PAM: variants seen among roughly 807,000 people sequenced by gnomAD.
PAM encodes peptidylglycine alpha-amidating monooxygenase.
Under a neutral mutation model 122.1 loss-of-function variants are expected in PAM, and 72 were observed. The ratio of observed to expected loss-of-function variants is 0.59; its 90% CI spans 0.49 to 0.72. PAM has a LOEUF of 0.72. PAM is among the 30% of genes least tolerant of loss of function. The pLI is 0.00. For synonymous variants in PAM, 389 were observed against 404.4 expected, an observed-to-expected ratio of 0.96 and a Z score of 0.46; for missense variants, 1,106 against 1,183.7, an observed-to-expected ratio of 0.93 and a Z score of 0.96.
intron 1 of PAM, among the ~76,000 whole-genome samples, chr5:102,791,858 A>G (rs745326119): frequency 1.3e-5 from 2 of 152,158 alleles, no homozygotes; most frequent in South Asian, 4.1e-4. Context: ...TATCTAGGAC[A>G]TCGTAGGAGT....
At chr5:102,906,609 C>T (rs1263990709) in intron 4 of PAM, among the ~76,000 whole-genome samples, 1 of 151,766 alleles carries the variant, frequency 6.6e-6, no homozygotes, top group Non-Finnish European at 1.5e-5. Context: ...TACTTCACTT[C>T]TCTTTCCTGA....
chr5:102,940,094 A>G (rs942527545), intron 7 of PAM, among the ~76,000 whole-genome samples: 3 of 150,300 alleles, frequency 2.0e-5, no homozygotes, highest in Non-Finnish European at 3.0e-5. Context: ...AATGAAAGGA[A>G]ACCTTTTATA....
At chr5:102,953,084 C>T (rs1759500975) in intron 12 of PAM, among the ~76,000 whole-genome samples, 1 of 152,180 alleles carries the variant, frequency 6.6e-6, no homozygotes, top group African/African-American at 2.4e-5. Flanking sequence ...AAACCGTTGA[C>T]AGTAGCCTAC....
At chr5:103,018,413 A>C (rs577936255) in intron 22 of PAM, among the ~76,000 whole-genome samples, 2 of 152,356 alleles carry the variant, frequency 1.3e-5, no homozygotes, top group Admixed American at 1.3e-4. Flanking sequence ...GATCTCAATT[A>C]ATTTGGTAAC....
At chr5:102,864,183 TA>T (rs202183053) in intron 1 of PAM, among the ~76,000 whole-genome samples, 3,156 of 132,914 alleles carry the variant, frequency 0.024, 37 homozygotes, top group African/African-American at 0.029. Context: ...TATATATATA[TA>T]TTTTTTTTTT....
rs939692788 is a variant in PAM at position 102,901,405 on chromosome 5, C to A, written c.260C>A (p.Ala87Asp). ...MSMRIPVDEE[A>D]FVIDFKPRAS... The stretch of plus-strand genomic sequence containing the variant: ...ATGCGAATACCAGTGGATGAGGAAG[C>A]CTTCGTGAGTAAGTATTAATTGGAT... The change falls in exon 4 of 26, where the codon GCC (alanine) becomes GAC (aspartate). Residue 87 changes from alanine to aspartate, a missense_variant. Ala to Asp is a moderately radical substitution (Grantham distance 126). Coordinates refer to ENST00000438793, the MANE Select transcript of PAM (RefSeq NM_001177306.2). 5 of 1,562,508 alleles carry A rather than the reference C, an allele frequency of 3.2e-6. No homozygotes were observed. The highest frequency in any genetic ancestry group is 3.5e-6 in the Non-Finnish European group (4 of 1,134,656).
chr5:103,020,211 TTA>T (rs1397184071), intron 23 of PAM, among the ~76,000 whole-genome samples: 1 of 152,186 alleles, frequency 6.6e-6, no homozygotes, highest in Non-Finnish European at 1.5e-5. Flanking sequence ...AAACCTTTTC[TTA>T]ATAGGCCCTA....
intron 3 of PAM, among the ~76,000 whole-genome samples, chr5:102,894,334 A>G (rs577372053): frequency 1.3e-5 from 2 of 151,848 alleles, no homozygotes; most frequent in Non-Finnish European, 3.0e-5. Flanking sequence ...AGACATGCCT[A>G]TAAGAACACA....
intron 15 of PAM, among the ~76,000 whole-genome samples, chr5:102,980,581 C>T (rs991308841): frequency 3.9e-5 from 6 of 152,080 alleles, no homozygotes; most frequent in African/African-American, 1.4e-4. Context: ...GAACAATAAT[C>T]AATATTAATT....
intron 12 of PAM, among the ~76,000 whole-genome samples, chr5:102,952,570 T>A (rs1331604696): frequency 6.6e-6 from 1 of 152,098 alleles, no homozygotes; most frequent in Admixed American, 6.6e-5. Context: ...CAGAGGCAAT[T>A]TTTTTACCAG....
chr5:102,771,446 G>A (rs575109927), intron 1 of PAM, among the ~76,000 whole-genome samples: 1 of 152,234 alleles, frequency 6.6e-6, no homozygotes, highest in South Asian at 2.1e-4. Flanking sequence ...TAGGAAGAAA[G>A]TAGTCTTAGT....
intron 25 of PAM, 30 bp from the exon 26 acceptor site, chr5:103,028,857 C>A: frequency 6.6e-7 from 1 of 1,525,152 alleles, no homozygotes; most frequent in South Asian, 1.2e-5. Context: ...CAAACTTTAC[C>A]CAATTCTGTT....
chr5:102,865,915 G>T lies in PAM; in HGVS notation c.-281G>T. The T allele has an allele frequency of 2.7e-6, 1 of 366,252 alleles. No individual in the cohort carries two copies. Among genetic ancestry groups the T allele is most frequent in the South Asian group, 6.8e-5 (1 of 14,762 alleles). 22.7% of individuals were successfully genotyped at this position (366,252 alleles called of 1,614,324 possible). The stretch of plus-strand genomic sequence containing the variant: ...AGGCACCCGCGCGTCTAGCCCCAGC[G>T]CCAGGGCACGCGAGCGGCGCTGGAG... On this transcript the variant is annotated 5_prime_UTR_variant, in exon 2 of 26. Coordinates refer to ENST00000438793, the MANE Select transcript of PAM (RefSeq NM_001177306.2).
At chr5:102,770,776 G>C (rs1169288008) in intron 1 of PAM, among the ~76,000 whole-genome samples, 1 of 151,880 alleles carries the variant, frequency 6.6e-6, no homozygotes, top group Non-Finnish European at 1.5e-5. Context: ...TTGTATCAAT[G>C]TTCATCAGGG....
chr5:102,773,823 C>T (rs922963788), intron 1 of PAM, among the ~76,000 whole-genome samples: 1 of 151,972 alleles, frequency 6.6e-6, no homozygotes, highest in Non-Finnish European at 1.5e-5. Flanking sequence ...CTTTTTGTCA[C>T]CCAGGTATTA....
At chr5:102,926,712 T>A in intron 7 of PAM, 44 bp downstream of exon 7, 1 of 981,508 alleles carries the variant, frequency 1.0e-6, no homozygotes, top group Non-Finnish European at 1.6e-6. Context: ...TCTAGTACTA[T>A]ATTGTTTAAA....
chr5:103,015,390 C>T (rs1781691519), intron 21 of PAM, among the ~76,000 whole-genome samples: 1 of 152,092 alleles, frequency 6.6e-6, no homozygotes, highest in African/African-American at 2.4e-5. Context: ...GGCTTTGTCA[C>T]CAGATGCCTG....
intron 3 of PAM, among the ~76,000 whole-genome samples, chr5:102,895,291 G>A (rs1795897154): frequency 6.6e-6 from 1 of 151,710 alleles, no homozygotes; most frequent in Admixed American, 6.6e-5. Flanking sequence ...CTTCTTTGTA[G>A]CACTTAAAAC....
At chr5:102,888,161 C>T (rs1021815108) in intron 3 of PAM, among the ~76,000 whole-genome samples, 7 of 151,952 alleles carry the variant, frequency 4.6e-5, no homozygotes, top group Non-Finnish European at 7.4e-5. Flanking sequence ...TGGCAGTAGC[C>T]GACTCAATAT....
Sources: allele counts gnomAD v4.1 joint callset (sites outside exome capture counted in the v4.1 genomes callset), GRCh38; gene constraint gnomAD v4.1.1; transcripts MANE v1.5; gene names NCBI Gene and HGNC (gene_info 2026-07-23, HGNC 2026-07-21).